Variants in PSME4 observed in about 807,000 individuals in gnomAD.
PSME4 encodes the protein proteasome activator subunit 4.
Under a neutral mutation model 253.9 loss-of-function variants are expected in PSME4, and 89 were observed. That is an observed-to-expected ratio of 0.35 (90% confidence interval 0.30 to 0.42). PSME4 has a LOEUF of 0.42. Ranked by LOEUF, PSME4 falls within the 10% of genes least tolerant of loss-of-function variation. The probability of loss-of-function intolerance (pLI) is 1.00; values close to 1 mark genes in which losing one functional copy is unlikely to be tolerated. For synonymous variants in PSME4, 851 were observed against 759.2 expected, an observed-to-expected ratio of 1.12 and a Z score of -1.99; for missense variants, 2,014 against 2,195.2, an observed-to-expected ratio of 0.92 and a Z score of 1.65.
chr2:53,881,863 C>G (rs1474063569), intron 41 of PSME4, among the ~76,000 whole-genome samples: 1 of 152,010 alleles, frequency 6.6e-6, no homozygotes, highest in Non-Finnish European at 1.5e-5. Context: ...GGATTACAGG[C>G]GTGAGCCACT....
In PSME4 at chr2:53,899,930, T is replaced by C; in HGVS notation, c.3373A>G (p.Ile1125Val). The change falls in exon 29 of 47, where the codon ATT becomes GTT. Residue 1125 changes from isoleucine to valine, a missense_variant. Ile to Val is a conservative substitution (Grantham distance 29, BLOSUM62 3). Transcript: ENST00000404125. ...TGTTGGCGTTTAATTCCTTCCTTAA[T>C]TTTTTCTGGGCTAAGCAATATCTGG... ...INQILLSPEK[I>V]KEGIKRQQEK... 1 of 1,613,622 alleles carries C rather than the reference T, an allele frequency of 6.2e-7. No homozygotes were observed. Among genetic ancestry groups the C allele is most frequent in the African/African-American group, 1.3e-5 (1 of 75,046 alleles).
chr2:53,898,105 T>A, intron 30 of PSME4, 106 bp from the exon 31 acceptor site: 1 of 1,373,714 alleles, frequency 7.3e-7, no homozygotes, highest in Non-Finnish European at 1.0e-6. Flanking sequence ...AGAATTAAAA[T>A]AGGTCTAGTG....
In PSME4 at chr2:53,920,319, A is replaced by C; in HGVS notation, c.2294T>G (p.Leu765Arg). The change falls in exon 19 of 47, where the codon CTG becomes CGG. Residue 765 changes from leucine to arginine, a missense_variant. Coordinates refer to ENST00000404125, the MANE Select transcript of PSME4 (RefSeq NM_014614.3). ...AGAAGGAACATGCCACTGGATTCCC[A>C]GATTCCACAAGTCCCCGGGTTTGCC... ...DWGKPGDLWN[L>R]GIQWHVPSSE... is the part of the protein sequence containing the mutation. 6.2e-7 allele frequency: 1 copy of C among 1,613,558 alleles called. No individual in the cohort carries two copies. Among genetic ancestry groups the C allele is most frequent in the Non-Finnish European group, 8.5e-7 (1 of 1,179,626 alleles).
At chr2:53,871,114 C>G (rs1678855895) in intron 43 of PSME4, among the ~76,000 whole-genome samples, 1 of 152,178 alleles carries the variant, frequency 6.6e-6, no homozygotes, top group Non-Finnish European at 1.5e-5. Flanking sequence ...CTTTTCATCA[C>G]TACACATTTT....
chr2:53,936,273 T>G, intron 6 of PSME4, 112 bp from the exon 7 acceptor site: 1 of 1,430,218 alleles, frequency 7.0e-7, no homozygotes, highest in Non-Finnish European at 9.2e-7. Context: ...GCAATCTACT[T>G]AAATAGATAG....
At chr2:53,888,888 T>G in intron 37 of PSME4, 76 bp from the exon 38 acceptor site, 2 of 1,202,240 alleles carry the variant, frequency 1.7e-6, no homozygotes, top group East Asian at 4.9e-5. Flanking sequence ...AGTTATTTAA[T>G]TTAATTTTAT....
rs1411805963 is a variant in PSME4 at position 53,908,377 on chromosome 2, A to G, written c.2727T>C (p.His909=). The change falls in exon 24 of 47, where the codon CAT becomes CAC. Residue 909 remains histidine, a synonymous_variant. Coordinates refer to ENST00000404125, the MANE Select transcript of PSME4 (RefSeq NM_014614.3). ...AGCTTTTCCATCGGGAGTCAAATTC[A>G]TGCTTGTGAGATCCTTGGAATTGTA... is the stretch of plus-strand genomic sequence containing the variant. The part of the protein sequence containing the change: ...DLLQFQGSHK[H]EFDSRWKSFN... 1 of 1,613,262 alleles carries G rather than the reference A, an allele frequency of 6.2e-7. No homozygotes were observed. The highest frequency in any genetic ancestry group is 8.5e-7 in the Non-Finnish European group (1 of 1,179,578).
rs532619283 is a variant in PSME4, at chr2:53,874,619, G to A, written c.4945-125C>T. ...AACTCTATTTACACAGGTATAGTTA[G>A]GACAAGCTCATATTTCGTTATAAAT... is the stretch of plus-strand genomic sequence containing the variant. On this transcript the variant is annotated intron_variant, in intron 42 of 46. Transcript: ENST00000404125. 8.8e-5 allele frequency: 86 copies of A among 973,356 alleles called. No homozygotes were observed. In the Middle Eastern group the frequency reaches 5.2e-3, roughly 58 times the overall value. The allele number at this position is 973,356 out of a possible 1,614,324, so 60.3% of individuals were successfully genotyped here. A position where few individuals can be genotyped will look rare whatever the true frequency, so the allele number is the denominator to read the frequency against.
intron 3 of PSME4, among the ~76,000 whole-genome samples, chr2:53,947,888 T>C (rs910092791): frequency 9.4e-5 from 14 of 148,490 alleles, no homozygotes; most frequent in East Asian, 2.1e-4. Context: ...TGGTGGTGCA[T>C]GCCTGTAATC....
intron 1 of PSME4, among the ~76,000 whole-genome samples, chr2:53,965,549 A>T (rs950397623): frequency 7.3e-6 from 1 of 137,754 alleles, no homozygotes; most frequent in African/African-American, 2.5e-5. Context: ...TATGTTGTGG[A>T]GCCCTGAGGA....
intron 7 of PSME4, among the ~76,000 whole-genome samples, chr2:53,935,769 A>T (rs1197717531): frequency 6.6e-6 from 1 of 152,128 alleles, no homozygotes; most frequent in Non-Finnish European, 1.5e-5. Flanking sequence ...AGCCCTGTAA[A>T]TTATTTATAT....
chr2:53,955,790 C>T (rs1018780200), intron 1 of PSME4, among the ~76,000 whole-genome samples: 5 of 151,508 alleles, frequency 3.3e-5, no homozygotes, highest in Admixed American at 3.3e-4. Context: ...GGCGTGATAG[C>T]GCATGTCTGT....
chr2:53,877,267 A>AAAG (rs1679179802), intron 41 of PSME4, among the ~76,000 whole-genome samples: 1 of 150,882 alleles, frequency 6.6e-6, no homozygotes, highest in African/African-American at 2.4e-5. Flanking sequence ...AAAAAAAAAA[A>AAAG]AAATTAGCTG....
intron 41 of PSME4, among the ~76,000 whole-genome samples, chr2:53,877,906 T>A (rs377462166): frequency 6.6e-6 from 1 of 152,220 alleles, no homozygotes; most frequent in Non-Finnish European, 1.5e-5. Flanking sequence ...TATTTTAGAA[T>A]AAAAATTATT....
chr2:53,880,774 A>G (rs1679345545), intron 41 of PSME4, among the ~76,000 whole-genome samples: 3 of 152,248 alleles, frequency 2.0e-5, no homozygotes, highest in African/African-American at 4.8e-5. Flanking sequence ...AAGTCAGGGT[A>G]CAAATGGTAA....
intron 20 of PSME4, 46 bp from the exon 21 acceptor site, chr2:53,910,176 G>T (rs779258946): frequency 6.8e-7 from 1 of 1,477,396 alleles, no homozygotes; most frequent in South Asian, 1.1e-5. Context: ...ATACCAATAT[G>T]AAGTATTAAA....
intron 19 of PSME4, 61 bp from the exon 20 acceptor site, chr2:53,919,307 G>A (rs968517896): frequency 5.6e-5 from 84 of 1,489,106 alleles, no homozygotes; most frequent in Non-Finnish European, 7.4e-5. Flanking sequence ...GCCTGCTAGA[G>A]CCTAGCACAG....
intron 21 of PSME4, 34 bp downstream of exon 21, chr2:53,910,041 C>A (rs1204810186): frequency 2.0e-6 from 3 of 1,530,270 alleles, no homozygotes; most frequent in African/African-American, 2.7e-5. Flanking sequence ...CAAAAATAAT[C>A]CACACAGATT....
intron 3 of PSME4, among the ~76,000 whole-genome samples, chr2:53,946,827 C>A (rs1298804572): frequency 2.0e-5 from 3 of 151,890 alleles, no homozygotes; most frequent in Non-Finnish European, 4.4e-5. Flanking sequence ...GGCGGGAAGA[C>A]TGCTTGAGCC....
Sources: allele counts gnomAD v4.1 joint callset (sites outside exome capture counted in the v4.1 genomes callset), GRCh38; gene constraint gnomAD v4.1.1; transcripts MANE v1.5; gene names NCBI Gene and HGNC (gene_info 2026-07-23, HGNC 2026-07-21).